Variants in GRID2 observed in about 807,000 individuals in gnomAD.
GRID2 encodes the protein glutamate receptor ionotropic, delta-2.
GRID2 carries 33 observed loss-of-function variants against 114.8 expected under a neutral mutation model. That is an observed-to-expected ratio of 0.29 (90% confidence interval 0.22 to 0.38). GRID2 has a LOEUF of 0.38. Ranked by LOEUF, GRID2 falls within the 10% of genes least tolerant of loss-of-function variation. GRID2 has a pLI of 1.00. For synonymous variants in GRID2, 505 were observed against 449.9 expected (o/e 1.12, Z -1.55); for missense variants, 1,184 against 1,257.7 (o/e 0.94, Z 0.89).
chr4:92,816,141 C>A (rs1740893691), intron 2 of GRID2, among the ~76,000 whole-genome samples: 1 of 150,948 alleles, frequency 6.6e-6, no homozygotes, highest in Non-Finnish European at 1.5e-5. Flanking sequence ...CATGGTGAAA[C>A]CCCATCTCTA....
intron 2 of GRID2, among the ~76,000 whole-genome samples, chr4:92,944,709 T>G (rs1269731614): frequency 6.6e-6 from 1 of 152,224 alleles, no homozygotes; most frequent in Non-Finnish European, 1.5e-5. Context: ...ATTTCTAACA[T>G]ATTAGAATCT....
At chr4:93,756,037 G>A (rs1732717899) in intron 14 of GRID2, among the ~76,000 whole-genome samples, 1 of 152,160 alleles carries the variant, frequency 6.6e-6, no homozygotes, top group Non-Finnish European at 1.5e-5. Flanking sequence ...GTGGTAAAAA[G>A]TGAAACACCA....
intron 1 of GRID2, among the ~76,000 whole-genome samples, chr4:92,441,231 C>G (rs189984643): frequency 6.6e-5 from 10 of 152,122 alleles, no homozygotes; most frequent in East Asian, 3.9e-4. Flanking sequence ...ACAAGATTGG[C>G]AGGGAGAGCA....
At chr4:92,599,135 T>C (rs1729086301) in intron 2 of GRID2, among the ~76,000 whole-genome samples, 1 of 151,838 alleles carries the variant, frequency 6.6e-6, no homozygotes, top group Non-Finnish European at 1.5e-5. Flanking sequence ...TGTAATTTAT[T>C]TGGCAAATAG....
intron 2 of GRID2, among the ~76,000 whole-genome samples, chr4:92,954,813 T>G (rs1404626199): frequency 7.1e-6 from 1 of 140,068 alleles, no homozygotes. Flanking sequence ...CCCCTTTCTG[T>G]GTCCATGTGA....
intron 8 of GRID2, among the ~76,000 whole-genome samples, chr4:93,276,461 G>A (rs913874414): frequency 4.6e-5 from 7 of 151,922 alleles, no homozygotes; most frequent in African/African-American, 7.2e-5. Flanking sequence ...CTTTATGATC[G>A]TCTGTACGAT....
chr4:92,898,859 C>T (rs1288776818), intron 2 of GRID2, among the ~76,000 whole-genome samples: 1 of 152,046 alleles, frequency 6.6e-6, no homozygotes, highest in African/African-American at 2.4e-5. Flanking sequence ...TATTTTTCTA[C>T]TCTAAATCTG....
chr4:93,493,493 A>G (rs1206857610), intron 12 of GRID2, among the ~76,000 whole-genome samples: 1 of 151,808 alleles, frequency 6.6e-6, no homozygotes, highest in Non-Finnish European at 1.5e-5. Context: ...TGAGAGTCCA[A>G]TCCATGTCAA....
chr4:92,746,719 A>T (rs904966166), intron 2 of GRID2, among the ~76,000 whole-genome samples: 9 of 151,796 alleles, frequency 5.9e-5, no homozygotes, highest in Admixed American at 5.9e-4. Flanking sequence ...CTGTATTTCT[A>T]GTCTGTCACT....
chr4:92,666,487 T>C (rs1391913442), intron 2 of GRID2, among the ~76,000 whole-genome samples: 3 of 151,364 alleles, frequency 2.0e-5, no homozygotes, highest in African/African-American at 7.3e-5. Flanking sequence ...GATTTTTGTG[T>C]TGAAAACTGT....
chr4:92,823,784 T>G (rs1355718962), intron 2 of GRID2, among the ~76,000 whole-genome samples: 2 of 152,132 alleles, frequency 1.3e-5, no homozygotes, highest in African/African-American at 2.4e-5. Flanking sequence ...TATCTTACCA[T>G]GGATACAAAA....
chr4:92,368,014 G>A (rs1728952981), intron 1 of GRID2, among the ~76,000 whole-genome samples: 2 of 152,074 alleles, frequency 1.3e-5, no homozygotes, highest in South Asian at 2.1e-4. Context: ...AGAGAAAGAA[G>A]CGATAGTAGC....
At chr4:92,413,718 A>C (rs28378105) in intron 1 of GRID2, among the ~76,000 whole-genome samples, 2,544 of 152,270 alleles carry the variant, frequency 0.017, 77 homozygotes, top group African/African-American at 0.058. Context: ...GGGAATCTCA[A>C]AAAGAAATGA....
intron 1 of GRID2, among the ~76,000 whole-genome samples, chr4:93,781,985 T>G (rs191074469): frequency 2.6e-5 from 4 of 152,290 alleles, no homozygotes; most frequent in Admixed American, 2.6e-4. Context: ...ACTTTGATTG[T>G]TAGATTACTC....
At position 93,110,828 on chromosome 4, in the gene GRID2, A is replaced by G. The variant is rs1225473660; in HGVS notation, c.610A>G (p.Ile204Val). The G allele has an allele frequency of 1.2e-6, 2 of 1,611,580 alleles. No homozygotes were observed. The highest frequency in any genetic ancestry group is 2.2e-5 in the East Asian group (1 of 44,860). ...DVALQKVENN[I>V]NKMITTLFDT... ...TGCACTTCAGAAGGTAGAAAACAAC[A>G]TCAATAAAATGATTACCACTCTCTT... Residue 204 changes from isoleucine to valine, a missense_variant, in exon 4 of 16, where the codon ATC (isoleucine) becomes GTC (valine). Around this residue, in one of 3 missense-constraint regions of GRID2, gnomAD observed 455 missense variants for 429.5 expected, o/e 1.06. Transcript: ENST00000282020.
At chr4:93,064,145 A>G (rs1027470193) in intron 2 of GRID2, among the ~76,000 whole-genome samples, 1 of 149,934 alleles carries the variant, frequency 6.7e-6, no homozygotes, top group African/African-American at 2.4e-5. Context: ...ATATAATAAC[A>G]TAATATTAAG....
chr4:92,641,341 T>C (rs781271640), intron 2 of GRID2, among the ~76,000 whole-genome samples: 16 of 151,774 alleles, frequency 1.1e-4, no homozygotes, highest in Non-Finnish European at 2.4e-4. Context: ...TTGCACAGGC[T>C]GGACTCAATC....
At chr4:93,806,153 T>A (rs1735025117) in intron 1 of GRID2, among the ~76,000 whole-genome samples, 1 of 152,232 alleles carries the variant, frequency 6.6e-6, no homozygotes, top group Admixed American at 6.5e-5. Flanking sequence ...AAAATGTGTT[T>A]GACAAAATCA....
At chr4:92,342,044 A>G (rs190066655) in intron 1 of GRID2, among the ~76,000 whole-genome samples, 1 of 152,158 alleles carries the variant, frequency 6.6e-6, no homozygotes, top group Non-Finnish European at 1.5e-5. Flanking sequence ...ATTAAAAAAT[A>G]TTTATTATTG....
Sources: allele counts gnomAD v4.1 joint callset (sites outside exome capture counted in the v4.1 genomes callset), GRCh38; gene constraint gnomAD v4.1.1; regional missense constraint gnomAD v4.1.1; transcripts MANE v1.5; gene names NCBI Gene and HGNC (gene_info 2026-07-23, HGNC 2026-07-21).